The following RAPGEF4 variants were observed in gnomAD, a reference collection of about 807,000 sequenced individuals.
RAPGEF4 encodes RAP guanine-nucleotide-exchange factor (GEF) 4.
A neutral mutation model predicts 147.9 loss-of-function variants in RAPGEF4; 66 were observed. The ratio of observed to expected loss-of-function variants is 0.45; its 90% CI spans 0.37 to 0.55. The LOEUF is 0.55. Among genes scored for constraint, RAPGEF4 ranks in the 20% least tolerant of loss-of-function variants. The probability of loss-of-function intolerance (pLI) is 0.00; values close to 1 mark genes in which losing one functional copy is unlikely to be tolerated. For synonymous variants in RAPGEF4, 419 were observed against 442.7 expected, an observed-to-expected ratio of 0.95 and a Z score of 0.67; for missense variants, 1,071 against 1,257.3, an observed-to-expected ratio of 0.85 and a Z score of 2.24.
chr2:172,768,000 C>T (rs565483568), intron 1 of RAPGEF4, among the ~76,000 whole-genome samples: 128 of 151,922 alleles, frequency 8.4e-4, no homozygotes, highest in Non-Finnish European at 1.4e-3. Context: ...TTAGTAGAGA[C>T]GGGGTTTCGT....
intron 6 of RAPGEF4, among the ~76,000 whole-genome samples, chr2:172,937,331 T>G (rs1057398153): frequency 1.3e-5 from 2 of 152,190 alleles, no homozygotes; most frequent in East Asian, 3.8e-4. Context: ...TCAGTCGCCA[T>G]GTCTCCTTAG....
intron 4 of RAPGEF4, among the ~76,000 whole-genome samples, chr2:172,850,943 C>T (rs938465803): frequency 3.3e-5 from 5 of 152,094 alleles, no homozygotes; most frequent in African/African-American, 4.8e-5. Flanking sequence ...CATTTTCATT[C>T]AGTTCAGCCC....
chr2:172,999,777 C>T (rs1008118598), intron 16 of RAPGEF4, among the ~76,000 whole-genome samples: 4 of 152,200 alleles, frequency 2.6e-5, no homozygotes, highest in Non-Finnish European at 5.9e-5. Flanking sequence ...TAATCCCAAG[C>T]TGTCATCACT....
intron 4 of RAPGEF4, among the ~76,000 whole-genome samples, chr2:172,863,724 C>T (rs900025892): frequency 1.3e-5 from 2 of 152,132 alleles, no homozygotes; most frequent in Admixed American, 1.3e-4. Flanking sequence ...TACCAAACCC[C>T]CAACTGGCAA....
chr2:172,982,668 C>T (rs1559161699), intron 10 of RAPGEF4, among the ~76,000 whole-genome samples: 1 of 152,204 alleles, frequency 6.6e-6, no homozygotes, highest in East Asian at 1.9e-4. Flanking sequence ...ATACCCTACA[C>T]ATGTCCTACA....
At chr2:172,794,834 T>C (rs150751975) in intron 1 of RAPGEF4, among the ~76,000 whole-genome samples, 191 bp from the exon 2 acceptor site, 1 of 152,348 alleles carries the variant, frequency 6.6e-6, no homozygotes, top group East Asian at 1.9e-4. Context: ...TTAAGGCGAA[T>C]AGTTGGTAAA....
chr2:172,956,476 T>TTC (rs1228265321), intron 6 of RAPGEF4, among the ~76,000 whole-genome samples: 1 of 149,946 alleles, frequency 6.7e-6, no homozygotes, highest in African/African-American at 2.4e-5. Flanking sequence ...CTTTTTCTTT[T>TTC]TTTTTTTTTT....
At chr2:172,737,340 G>T (rs569243796) in intron 1 of RAPGEF4, among the ~76,000 whole-genome samples, 3 of 152,294 alleles carry the variant, frequency 2.0e-5, no homozygotes, top group South Asian at 4.1e-4. Flanking sequence ...AAGTATAGAG[G>T]TTGTTAATGT....
chr2:172,826,586 T>C (rs941662927), intron 4 of RAPGEF4, among the ~76,000 whole-genome samples: 1 of 152,178 alleles, frequency 6.6e-6, no homozygotes, highest in Non-Finnish European at 1.5e-5. Flanking sequence ...AGTAAAATGA[T>C]CAGATATTGT....
chr2:172,779,533 G>A (rs1684490219), intron 1 of RAPGEF4, among the ~76,000 whole-genome samples: 1 of 152,194 alleles, frequency 6.6e-6, no homozygotes, highest in Non-Finnish European at 1.5e-5. Context: ...GAGGATAGTA[G>A]GAGACGAGGT....
intron 4 of RAPGEF4, among the ~76,000 whole-genome samples, chr2:172,820,226 C>T (rs10202335): frequency 0.19 from 29,350 of 151,948 alleles, 3,450 homozygotes; most frequent in Middle Eastern, 0.31. Flanking sequence ...TGGTTAAATC[C>T]ATGAAAGATG....
At chr2:172,764,571 G>A (rs771264741) in intron 1 of RAPGEF4, among the ~76,000 whole-genome samples, 1 of 152,208 alleles carries the variant, frequency 6.6e-6, no homozygotes, top group Non-Finnish European at 1.5e-5. Context: ...TAAAAGGGTA[G>A]CAGTGAGTCC....
chr2:172,960,084 C>A (rs934977254), intron 6 of RAPGEF4, among the ~76,000 whole-genome samples: 3 of 152,096 alleles, frequency 2.0e-5, no homozygotes, highest in Admixed American at 1.3e-4. Context: ...CAGAGCAAGA[C>A]CCCATCTATT....
chr2:172,934,890 C>A (rs1486756793), intron 6 of RAPGEF4, among the ~76,000 whole-genome samples: 1 of 152,074 alleles, frequency 6.6e-6, no homozygotes, highest in Non-Finnish European at 1.5e-5. Flanking sequence ...CGAAAGCAAA[C>A]AAGAGGCCGG....
At chr2:172,941,530 G>A (rs148186186) in intron 6 of RAPGEF4, among the ~76,000 whole-genome samples, 63 of 152,230 alleles carry the variant, frequency 4.1e-4, no homozygotes, top group African/African-American at 1.1e-3. Flanking sequence ...TTATTGCCAC[G>A]TCTGACAAAA....
At chr2:172,829,654 G>C (rs113572583) in intron 4 of RAPGEF4, among the ~76,000 whole-genome samples, 1,817 of 152,142 alleles carry the variant, frequency 0.012, 35 homozygotes, top group African/African-American at 0.039. Flanking sequence ...GTCTGAAGAA[G>C]ATAATTTAAG....
intron 6 of RAPGEF4, among the ~76,000 whole-genome samples, chr2:172,951,615 CAG>C (rs1303181986): frequency 4.6e-5 from 7 of 152,084 alleles, no homozygotes; most frequent in Non-Finnish European, 4.4e-5. Context: ...TGTGTTTGAG[CAG>C]AGACCTGAAA....
Position 173,042,255 on chromosome 2 carries a change from G to A in RAPGEF4, c.2853+5563G>A, listed in dbSNP as rs1159958347. On this transcript the variant is annotated intron_variant, in intron 29 of 30. Transcript: ENST00000397081. This position sits in a 1 kb window ranked among gnomAD's most constrained non-coding sequence, Gnocchi z 4.2. ...AAGTACTTGTTGAATAAAATGTAATGTTTCAGTGTTGGGCTTAGTGCACGA... is the reference window on the plus strand; with the variant it reads ...AAGTACTTGTTGAATAAAATGTAATATTTCAGTGTTGGGCTTAGTGCACGA... Among the ~76,000 whole-genome samples, 1 of 152,224 alleles carries A rather than the reference G, an allele frequency of 6.6e-6. No homozygotes were observed. Among genetic ancestry groups the A allele is most frequent in the African/African-American group, 2.4e-5 (1 of 41,444 alleles).
intron 4 of RAPGEF4, among the ~76,000 whole-genome samples, chr2:172,864,567 A>T (rs2149788959): frequency 6.6e-6 from 1 of 152,156 alleles, no homozygotes; most frequent in East Asian, 1.9e-4. Flanking sequence ...CATTTCAATC[A>T]CCCTCTTGTC....
Sources: allele counts gnomAD v4.1 joint callset (sites outside exome capture counted in the v4.1 genomes callset), GRCh38; gene constraint gnomAD v4.1.1; non-coding constraint Gnocchi (gnomAD v3.1); transcripts MANE v1.5; gene names NCBI Gene and HGNC (gene_info 2026-07-23, HGNC 2026-07-21).